The following CSMD1 variants were observed in gnomAD, a reference collection of about 807,000 sequenced individuals.
The protein encoded by CSMD1 is CUB and sushi domain-containing protein 1.
Under a neutral mutation model 417.5 loss-of-function variants are expected in CSMD1, and 213 were observed. That is an observed-to-expected ratio of 0.51 (90% CI 0.46 to 0.57). The LOEUF (loss-of-function observed/expected upper bound fraction) is 0.57, where lower values mean the gene tolerates loss of function less well. Among genes scored for constraint, CSMD1 ranks in the 20% least tolerant of loss-of-function variants. The pLI is 0.00. For synonymous variants in CSMD1, 2,862 were observed against 1,736.8 expected (o/e 1.65, Z -16.11); for missense variants, 6,923 against 4,529.7 (o/e 1.53, Z -15.17).
chr8:3,090,927 T>C (rs1188945206), intron 48 of CSMD1, among the ~76,000 whole-genome samples: 1 of 152,226 alleles, frequency 6.6e-6, no homozygotes, highest in Non-Finnish European at 1.5e-5. Flanking sequence ...AATTTGTTAC[T>C]AATTGATTTA....
chr8:3,809,587 G>C (rs551030493), intron 5 of CSMD1, among the ~76,000 whole-genome samples: 1 of 151,932 alleles, frequency 6.6e-6, no homozygotes, highest in Non-Finnish European at 1.5e-5. Context: ...AGTGTAGATA[G>C]TTGGCCCCAC....
chr8:4,019,059 C>T (rs556746839), intron 4 of CSMD1, among the ~76,000 whole-genome samples: 1 of 152,300 alleles, frequency 6.6e-6, no homozygotes, highest in African/African-American at 2.4e-5. Context: ...GAGACAGATG[C>T]TACTCCATTT....
At chr8:4,409,291 A>T (rs1351943373) in intron 3 of CSMD1, among the ~76,000 whole-genome samples, 1 of 152,182 alleles carries the variant, frequency 6.6e-6, no homozygotes, top group African/African-American at 2.4e-5. Context: ...GCTTTGTGTT[A>T]AGTCAATATA....
At chr8:4,201,176 T>C (rs755581882) in intron 3 of CSMD1, among the ~76,000 whole-genome samples, 15 of 152,284 alleles carry the variant, frequency 9.9e-5, no homozygotes, top group South Asian at 6.2e-4. Context: ...GATTAAGTAC[T>C]GTTGTGTATG....
intron 1 of CSMD1, among the ~76,000 whole-genome samples, chr8:4,980,451 G>A (rs148000794): frequency 6.6e-6 from 1 of 152,210 alleles, no homozygotes; most frequent in Admixed American, 6.5e-5. Context: ...AGGCGAGGAG[G>A]CTTTCAAGAG....
chr8:3,813,426 A>G (rs1801195360), intron 5 of CSMD1, among the ~76,000 whole-genome samples: 1 of 152,182 alleles, frequency 6.6e-6, no homozygotes. Context: ...CCTGTAAAAG[A>G]ACTATTTTAA....
intron 3 of CSMD1, among the ~76,000 whole-genome samples, chr8:4,301,422 G>A (rs1006269875): frequency 7.2e-5 from 11 of 152,160 alleles, no homozygotes; most frequent in Non-Finnish European, 2.9e-5. Flanking sequence ...TACTGGGAAA[G>A]ATATGTTTTA....
chr8:4,893,971 C>T lies in CSMD1; in HGVS notation c.85+100361G>A, dbSNP rs574545365. Among the ~76,000 whole-genome samples the T allele has an allele frequency of 2.1e-4, 32 of 152,004 alleles. 1 individual carries two copies. The South Asian group carries it at 6.2e-3, about 30-fold the overall frequency. ...AAGCTTTTTGTCTTTTTTTTAGGTA[C>T]AGATTTTCAAGAAGGATTTCAACAT... On this transcript the variant is annotated intron_variant, in intron 1 of 69. Coordinates refer to ENST00000635120, the MANE Select transcript of CSMD1 (RefSeq NM_033225.6).
chr8:4,987,475 CA>C (rs1343675815), intron 1 of CSMD1, among the ~76,000 whole-genome samples: 1 of 152,102 alleles, frequency 6.6e-6, no homozygotes, highest in Non-Finnish European at 1.5e-5. Context: ...ATAATTCAGA[CA>C]AAAAGTTGTA....
At chr8:3,811,221 G>C (rs1369521322) in intron 5 of CSMD1, among the ~76,000 whole-genome samples, 1 of 152,164 alleles carries the variant, frequency 6.6e-6, no homozygotes, top group South Asian at 2.1e-4. Context: ...AGGGCAATCT[G>C]TGAGTATGAA....
At position 4,610,028 on chromosome 8, in the gene CSMD1, GA is replaced by G. The variant is rs34593512; in HGVS notation, c.302+27313del. Among the ~76,000 whole-genome samples, 565 of 141,984 alleles carry G rather than the reference GA, an allele frequency of 4.0e-3. 2 individuals are homozygous for G. Among genetic ancestry groups the G allele is most frequent in the African/African-American group, 0.011 (415 of 38,820 alleles). The allele number at this position is 141,984 out of a possible 152,430, so 93.1% of individuals were successfully genotyped here. On this transcript the variant is annotated intron_variant, in intron 2 of 69. Transcript: ENST00000635120. Reference sequence around the variant, plus strand: ...ACCATTGCTTTGTGTCAGGGTTCAGGAAAAAAAAAAAACAATTAGATATCAT... The same window carrying G: ...ACCATTGCTTTGTGTCAGGGTTCAGGAAAAAAAAAAACAATTAGATATCAT...
chr8:3,696,664 C>T (rs990216716), intron 7 of CSMD1, among the ~76,000 whole-genome samples: 3 of 152,140 alleles, frequency 2.0e-5, no homozygotes, highest in Non-Finnish European at 4.4e-5. Context: ...TAAAGCTCAT[C>T]CATTTTGCAG....
At chr8:4,013,329 G>C (rs1796368932) in intron 4 of CSMD1, among the ~76,000 whole-genome samples, 1 of 152,152 alleles carries the variant, frequency 6.6e-6, no homozygotes, top group African/African-American at 2.4e-5. Flanking sequence ...ACCGTACGCT[G>C]TTGTCTCAAG....
At chr8:4,207,549 G>C (rs1309571264) in intron 3 of CSMD1, among the ~76,000 whole-genome samples, 1 of 151,960 alleles carries the variant, frequency 6.6e-6, no homozygotes, top group Non-Finnish European at 1.5e-5. Flanking sequence ...TCCATCAATA[G>C]AAAATAATGT....
At chr8:4,425,265 G>A (rs1053278924) in intron 2 of CSMD1, among the ~76,000 whole-genome samples, 1 of 151,560 alleles carries the variant, frequency 6.6e-6, no homozygotes, top group Non-Finnish European at 1.5e-5. Context: ...AGTGTCATAA[G>A]ACTACTGTTC....
intron 51 of CSMD1, among the ~76,000 whole-genome samples, chr8:3,026,633 C>G (rs555940585): frequency 6.6e-6 from 1 of 152,332 alleles, no homozygotes; most frequent in African/African-American, 2.4e-5. Flanking sequence ...GCCTCCAGCC[C>G]TGTCAACACC....
chr8:3,093,030 C>G (rs577978215), intron 47 of CSMD1, among the ~76,000 whole-genome samples: 1 of 152,138 alleles, frequency 6.6e-6, no homozygotes, highest in Admixed American at 6.5e-5. Context: ...CCAATCAGAG[C>G]AGTTCTCATG....
chr8:3,582,963 T>G (rs890480311), intron 9 of CSMD1, among the ~76,000 whole-genome samples: 25 of 152,320 alleles, frequency 1.6e-4, no homozygotes, highest in African/African-American at 5.8e-4. Context: ...AACTACCTTA[T>G]TAACTGACTA....
chr8:3,499,257 A>G (rs1329932810), intron 10 of CSMD1, among the ~76,000 whole-genome samples: 3 of 152,150 alleles, frequency 2.0e-5, no homozygotes, highest in Non-Finnish European at 4.4e-5. Context: ...TTTGGTTGTA[A>G]TCAATGTCTG....
Sources: allele counts gnomAD v4.1 joint callset (sites outside exome capture counted in the v4.1 genomes callset), GRCh38; gene constraint gnomAD v4.1.1; transcripts MANE v1.5; gene names NCBI Gene and HGNC (gene_info 2026-07-23, HGNC 2026-07-21).